Variants in STPG2 observed in about 807,000 individuals in gnomAD.
STPG2 encodes the protein sperm tail PG-rich repeat containing 2, also known as sperm-tail PG-rich repeat-containing protein 2.
Under a neutral mutation model 54.2 loss-of-function variants are expected in STPG2, and 56 were observed. That is an observed-to-expected ratio of 1.03 (90% CI 0.83 to 1.29). The LOEUF is 1.29. Among genes scored for constraint, STPG2 ranks in the 50% most tolerant of loss-of-function variants. The pLI, the probability that STPG2 is intolerant of heterozygous loss-of-function variation, is 0.00. For missense variants in STPG2, 596 were observed against 544.9 expected, an observed-to-expected ratio of 1.09 and a Z score of -0.93; for synonymous variants, 200 against 181.8, an observed-to-expected ratio of 1.10 and a Z score of -0.81.
At chr4:97,955,206 C>G (rs551550900) in intron 7 of STPG2, among the ~76,000 whole-genome samples, 76 of 144,096 alleles carry the variant, frequency 5.3e-4, no homozygotes, top group African/African-American at 1.8e-3. Flanking sequence ...AGTTGTAATA[C>G]AGAAGAATTT....
At chr4:97,785,173 T>C (rs892992025) in intron 9 of STPG2, among the ~76,000 whole-genome samples, 4 of 151,966 alleles carry the variant, frequency 2.6e-5, no homozygotes, top group African/African-American at 9.7e-5. Flanking sequence ...ATAATATTTT[T>C]CCAGTAAGAA....
intron 5 of STPG2, among the ~76,000 whole-genome samples, chr4:98,060,736 G>T (rs749978607): frequency 6.6e-6 from 1 of 152,070 alleles, no homozygotes; most frequent in Non-Finnish European, 1.5e-5. Flanking sequence ...CAATGGAACA[G>T]AATAGAGAGG....
chr4:97,877,147 T>C (rs1198612548), intron 8 of STPG2, among the ~76,000 whole-genome samples: 1 of 152,160 alleles, frequency 6.6e-6, no homozygotes, highest in Non-Finnish European at 1.5e-5. Context: ...ACATTTACAA[T>C]TATGGTCACC....
intron 4 of STPG2, among the ~76,000 whole-genome samples, chr4:97,515,952 T>C (rs1731067690): frequency 1.3e-5 from 2 of 152,214 alleles, no homozygotes; most frequent in Middle Eastern, 3.4e-3. Flanking sequence ...AAAGAGATTG[T>C]TTCGAAAAGT....
chr4:97,789,571 T>G (rs1018203553), intron 9 of STPG2, among the ~76,000 whole-genome samples: 5 of 152,174 alleles, frequency 3.3e-5, no homozygotes, highest in Non-Finnish European at 7.4e-5. Context: ...AAACTGTAAG[T>G]GCCATACACT....
intron 9 of STPG2, among the ~76,000 whole-genome samples, chr4:97,826,094 CT>C (rs1459170976): frequency 6.6e-6 from 1 of 152,106 alleles, no homozygotes; most frequent in Non-Finnish European, 1.5e-5. Context: ...TTTATCTACA[CT>C]TCTGTCTGAT....
intron 8 of STPG2, among the ~76,000 whole-genome samples, chr4:97,868,170 T>C (rs1391305075): frequency 1.3e-5 from 2 of 151,972 alleles, no homozygotes; most frequent in Non-Finnish European, 2.9e-5. Context: ...CATATTTCAG[T>C]TCTTTTATTT....
intron 8 of STPG2, among the ~76,000 whole-genome samples, chr4:97,931,274 G>C (rs906277973): frequency 6.6e-6 from 1 of 152,182 alleles, no homozygotes; most frequent in Admixed American, 6.6e-5. Flanking sequence ...TTTTCAAAAG[G>C]AATACTTCCA....
intron 10 of STPG2, among the ~76,000 whole-genome samples, chr4:97,706,774 G>A (rs1180666229): frequency 6.6e-6 from 1 of 152,314 alleles, no homozygotes; most frequent in East Asian, 1.9e-4. Flanking sequence ...TCATTGATGA[G>A]CCATTTCTGT....
intron 10 of STPG2, among the ~76,000 whole-genome samples, chr4:97,563,972 C>G (rs548514220): frequency 1.3e-5 from 2 of 152,126 alleles, no homozygotes; most frequent in African/African-American, 4.8e-5. Context: ...GAGCTGAGTT[C>G]AATTCCTGGA....
At chr4:97,960,377 G>A (rs1733839533) in intron 7 of STPG2, among the ~76,000 whole-genome samples, 1 of 152,026 alleles carries the variant, frequency 6.6e-6, no homozygotes. Flanking sequence ...AGAAATAAAG[G>A]GCATGCAAAT....
At chr4:98,018,413 A>C (rs1345642534) in intron 5 of STPG2, among the ~76,000 whole-genome samples, 1 of 152,128 alleles carries the variant, frequency 6.6e-6, no homozygotes, top group South Asian at 2.1e-4. Flanking sequence ...AATCCAGTCT[A>C]TCATTGTTGG....
rs1733096591 is a variant in STPG2, at chr4:97,943,884, G to A, written c.1044+13C>T. 8.7e-6 allele frequency: 13 copies of A among 1,496,606 alleles called. No homozygotes were observed. The highest frequency in any genetic ancestry group is 1.2e-5 in the Non-Finnish European group (13 of 1,114,164). The allele number at this position is 1,496,606 out of a possible 1,614,324, so 92.7% of individuals were successfully genotyped here. A position where few individuals can be genotyped will look rare whatever the true frequency, so the allele number is the denominator to read the frequency against. On this transcript the variant is annotated intron_variant, in intron 8 of 10. Transcript: ENST00000295268. The stretch of plus-strand genomic sequence containing the variant: ...TAGATAATGAAAATATTTGATTGTA[G>A]GAGTATTCTTACCATATCTGGTACT...
At chr4:98,014,297 T>C (rs1735854909) in intron 5 of STPG2, among the ~76,000 whole-genome samples, 1 of 152,144 alleles carries the variant, frequency 6.6e-6, no homozygotes, top group Non-Finnish European at 1.5e-5. Flanking sequence ...AGTTTCTTAA[T>C]CCTGAGTTCT....
intron 4 of STPG2, among the ~76,000 whole-genome samples, chr4:97,522,132 G>A (rs879597724): frequency 2.6e-5 from 4 of 151,916 alleles, no homozygotes; most frequent in Admixed American, 6.6e-5. Flanking sequence ...GGAAAAGATA[G>A]TAAAACTTGA....
intron 4 of STPG2, among the ~76,000 whole-genome samples, chr4:97,478,928 A>G (rs1730148150): frequency 6.8e-6 from 1 of 147,102 alleles, no homozygotes; most frequent in South Asian, 2.2e-4. Context: ...TGTACTTTAT[A>G]TGTGAAAGAC....
intron 4 of STPG2, among the ~76,000 whole-genome samples, chr4:97,495,888 G>A (rs916448758): frequency 6.6e-6 from 1 of 151,526 alleles, no homozygotes; most frequent in African/African-American, 2.4e-5. Flanking sequence ...ATATCAGTAA[G>A]TAGCTATTAT....
At chr4:97,740,781 T>C (rs1725198486) in intron 9 of STPG2, among the ~76,000 whole-genome samples, 2 of 152,122 alleles carry the variant, frequency 1.3e-5, no homozygotes, top group Admixed American at 1.3e-4. Context: ...AAAATGGCAA[T>C]ACTGCCCAAG....
intron 7 of STPG2, among the ~76,000 whole-genome samples, chr4:97,969,080 A>G (rs556487844): frequency 1.2e-3 from 185 of 152,328 alleles, no homozygotes; most frequent in African/African-American, 4.3e-3. Context: ...TCATCTTGCC[A>G]CGGCTCTTCT....
Sources: allele counts gnomAD v4.1 joint callset (sites outside exome capture counted in the v4.1 genomes callset), GRCh38; gene constraint gnomAD v4.1.1; transcripts MANE v1.5; gene names NCBI Gene and HGNC (gene_info 2026-07-23, HGNC 2026-07-21).